Variants in FOXK2 observed in about 807,000 individuals in gnomAD.
FOXK2 encodes forkhead box protein K2.
FOXK2 carries 24 observed loss-of-function variants against 53.3 expected under a neutral mutation model. The ratio of observed to expected loss-of-function variants is 0.45; its 90% CI spans 0.33 to 0.63. The LOEUF is 0.63. FOXK2 is among the 30% of genes least tolerant of loss of function. The pLI is 0.03. For synonymous variants in FOXK2, 505 were observed against 407.1 expected (o/e 1.24, Z -2.89); for missense variants, 952 against 910.5 (o/e 1.05, Z -0.59).
At chr17:82,522,888 T>TG (rs2044378785) in intron 1 of FOXK2, among the ~76,000 whole-genome samples, 2 of 151,970 alleles carry the variant, frequency 1.3e-5, no homozygotes, top group South Asian at 4.2e-4. Flanking sequence ...TCCGCCTCCC[T>TG]GGTTCAAGCA....
intron 6 of FOXK2, among the ~76,000 whole-genome samples, chr17:82,585,672 T>C (rs1323424550): frequency 2.0e-5 from 3 of 152,140 alleles, no homozygotes; most frequent in Admixed American, 6.5e-5. Flanking sequence ...TTACCAGATA[T>C]CTAAATAGAG....
At chr17:82,523,395 T>C (rs1339543930) in intron 1 of FOXK2, among the ~76,000 whole-genome samples, 1 of 152,102 alleles carries the variant, frequency 6.6e-6, no homozygotes, top group Non-Finnish European at 1.5e-5. Flanking sequence ...ATTTGTGGTG[T>C]AGGGCAGTAA....
At chr17:82,525,102 A>G (rs1190207171) in intron 1 of FOXK2, among the ~76,000 whole-genome samples, 1 of 150,932 alleles carries the variant, frequency 6.6e-6, no homozygotes, top group Non-Finnish European at 1.5e-5. Flanking sequence ...CAGCCTCCCG[A>G]GTAGCTGGGA....
intron 8 of FOXK2, among the ~76,000 whole-genome samples, chr17:82,592,522 CCTGCTGGGAAGCCTGGGCTTTG>C (rs1477600806): frequency 6.6e-6 from 1 of 152,212 alleles, no homozygotes; most frequent in African/African-American, 2.4e-5. Context: ...CCTGACCAGC[CCTGCTGGGAAGCCTGGGCTTTG>C]CTGCTGCTTC....
Position 82,586,117 on chromosome 17 carries a change from G to C in FOXK2, c.1493G>C (p.Gly498Ala). Residue 498 changes from glycine to alanine, a missense_variant, in exon 7 of 9, where the codon GGA becomes GCA. Coordinates refer to ENST00000335255, the MANE Select transcript of FOXK2 (RefSeq NM_004514.4). ...LAPANTYTVS[G>A]QAVVTPAAVL... is the part of the protein sequence containing the mutation. ...CCAGCGAACACGTACACTGTCTCTG[G>C]ACAAGCTGTGGTCACCCCGGCAGCC... 1 of 1,612,666 alleles carries C rather than the reference G, an allele frequency of 6.2e-7. No individual in the cohort carries two copies. The highest frequency in any genetic ancestry group is 8.5e-7 in the Non-Finnish European group (1 of 1,179,930).
chr17:82,544,936 T>C (rs1047377423), intron 1 of FOXK2, among the ~76,000 whole-genome samples: 17 of 152,004 alleles, frequency 1.1e-4, no homozygotes, highest in African/African-American at 3.6e-4. Flanking sequence ...TGTGCTCTGT[T>C]GCTCTGCGTT....
chr17:82,598,114 G>C (rs776592243), intron 8 of FOXK2, among the ~76,000 whole-genome samples: 6 of 146,182 alleles, frequency 4.1e-5, no homozygotes, highest in Middle Eastern at 7.4e-3. Context: ...CCTTCTGGCT[G>C]TTTGAAACCG....
intron 1 of FOXK2, 102 bp downstream of exon 1, chr17:82,520,409 G>T: frequency 2.9e-6 from 3 of 1,017,430 alleles, no homozygotes; most frequent in Non-Finnish European, 3.8e-6. Flanking sequence ...ACGAGCGGGG[G>T]CCCGACTCTC....
chr17:82,551,327 AT>A lies in FOXK2; in HGVS notation c.420-12025del, dbSNP rs773154751. 3.4e-3 allele frequency among the ~76,000 whole-genome samples: 15 copies of A among 4,352 alleles called. No homozygotes were observed. In the East Asian group the frequency reaches 0.041, roughly 12 times the overall value. The allele number at this position is 4,352 out of a possible 152,430, so 2.9% of individuals were successfully genotyped here. On this transcript the variant is annotated intron_variant, in intron 1 of 8. Coordinates refer to ENST00000335255, the MANE Select transcript of FOXK2 (RefSeq NM_004514.4). ...GCGAGACTCCATCTCAAAAAAAAAA[AT>A]TAAAAAAAAAATAAAAATAAACATG...
chr17:82,533,344 G>A (rs1198431187), intron 1 of FOXK2, among the ~76,000 whole-genome samples: 2 of 152,112 alleles, frequency 1.3e-5, no homozygotes, highest in Admixed American at 6.6e-5. Flanking sequence ...CAAAAAATTA[G>A]CCAGGCATGG....
At chr17:82,576,514 A>G in intron 4 of FOXK2, 1 of 591,650 alleles carries the variant, frequency 1.7e-6, no homozygotes, top group Non-Finnish European at 2.9e-6. Flanking sequence ...TACAAAACAG[A>G]GTCAGTCTTT....
intron 1 of FOXK2, among the ~76,000 whole-genome samples, chr17:82,552,408 AT>A (rs1282936863): frequency 6.6e-6 from 1 of 152,000 alleles, no homozygotes; most frequent in Admixed American, 6.6e-5. Context: ...GAGAACTGCT[AT>A]GGCAACTGTG....
At chr17:82,549,360 T>G (rs1467880013) in intron 1 of FOXK2, among the ~76,000 whole-genome samples, 5 of 151,406 alleles carry the variant, frequency 3.3e-5, no homozygotes, top group Non-Finnish European at 1.5e-5. Context: ...ATTCTCCTTA[T>G]TACAGTTACA....
At chr17:82,529,789 G>GTT (rs1288998242) in intron 1 of FOXK2, among the ~76,000 whole-genome samples, 1 of 152,210 alleles carries the variant, frequency 6.6e-6, no homozygotes, top group African/African-American at 2.4e-5. Context: ...TCGGAATGCA[G>GTT]TTCTGTCTTG....
chr17:82,547,208 G>T (rs1362216018), intron 1 of FOXK2, among the ~76,000 whole-genome samples: 1 of 151,996 alleles, frequency 6.6e-6, no homozygotes, highest in Non-Finnish European at 1.5e-5. Context: ...GAATATTCAG[G>T]GTGTAGTATT....
chr17:82,556,095 A>G (rs986390904), intron 1 of FOXK2, among the ~76,000 whole-genome samples: 7 of 152,114 alleles, frequency 4.6e-5, no homozygotes, highest in African/African-American at 1.2e-4. Context: ...TGCGTATGCA[A>G]CTGATGCATT....
chr17:82,573,998 C>T (rs1029015851), intron 4 of FOXK2, among the ~76,000 whole-genome samples: 4 of 152,240 alleles, frequency 2.6e-5, no homozygotes, highest in African/African-American at 4.8e-5. Context: ...GGACCACAGT[C>T]GTGAAGTGGC....
At chr17:82,594,495 CAA>C (rs67410458) in intron 8 of FOXK2, among the ~76,000 whole-genome samples, 11,574 of 116,530 alleles carry the variant, frequency 0.099, 774 homozygotes, top group African/African-American at 0.22. Flanking sequence ...GAGACTGTCT[CAA>C]AAAAAAAAAA....
At chr17:82,556,681 C>A (rs2044728655) in intron 1 of FOXK2, among the ~76,000 whole-genome samples, 1 of 152,008 alleles carries the variant, frequency 6.6e-6, no homozygotes, top group African/African-American at 2.4e-5. Flanking sequence ...GCAGCACCTT[C>A]CTGCCTCTTT....
Sources: allele counts gnomAD v4.1 joint callset (sites outside exome capture counted in the v4.1 genomes callset), GRCh38; gene constraint gnomAD v4.1.1; transcripts MANE v1.5; gene names NCBI Gene and HGNC (gene_info 2026-07-23, HGNC 2026-07-21).